CYTH1: variants seen among roughly 807,000 people sequenced by gnomAD.
CYTH1 encodes the protein cytohesin-1.
In CYTH1, 18 loss-of-function variants were observed where a neutral mutation model predicts 61.8. That is an observed-to-expected ratio of 0.29 (90% CI 0.20 to 0.43). CYTH1 has a LOEUF of 0.43. CYTH1 is among the 20% of genes least tolerant of loss of function. The pLI is 1.00. For synonymous variants in CYTH1, 174 were observed against 184.3 expected, an observed-to-expected ratio of 0.94 and a Z score of 0.45; for missense variants, 336 against 510.5, an observed-to-expected ratio of 0.66 and a Z score of 3.29.
chr17:78,707,708 G>C (rs1321834732), intron 3 of CYTH1, among the ~76,000 whole-genome samples: 1 of 149,196 alleles, frequency 6.7e-6, no homozygotes, highest in Non-Finnish European at 1.5e-5. Context: ...TTGAGACGGA[G>C]TCTCGCTCTG....
rs1270598813 is a variant in CYTH1, at chr17:78,711,306, T to TAAATA, written c.23-1575_23-1574insTATTT. On this transcript the variant is annotated intron_variant, in intron 1 of 13. Transcript: ENST00000446868. ...TAAATAAATAAATAAATAAATAATA[T>TAAATA]ATATATATACACACACACACACACA... Among the ~76,000 whole-genome samples the TAAATA allele has an allele frequency of 7.7e-4, 76 of 98,678 alleles. No homozygotes were observed. The South Asian group carries it at 0.011, about 14-fold the overall frequency. The allele number at this position is 98,678 out of a possible 152,430, so 64.7% of individuals were successfully genotyped here. A position where few individuals can be genotyped will look rare whatever the true frequency, so the allele number is the denominator to read the frequency against.
At chr17:78,686,859 G>A (rs1011887461) in intron 11 of CYTH1, among the ~76,000 whole-genome samples, 8 of 152,048 alleles carry the variant, frequency 5.3e-5, no homozygotes, top group Non-Finnish European at 1.0e-4. Context: ...TTGGCTCACC[G>A]CAACCTCCGC....
chr17:78,678,549 T>A (rs1473936203), intron 13 of CYTH1: 2 of 152,158 alleles, frequency 1.3e-5, no homozygotes, highest in East Asian at 3.8e-4. Context: ...AAAAAATACA[T>A]TTCATAATGA....
chr17:78,761,733 G>A (rs1448861242), intron 1 of CYTH1, among the ~76,000 whole-genome samples: 4 of 151,808 alleles, frequency 2.6e-5, no homozygotes, highest in African/African-American at 4.8e-5. Flanking sequence ...GCGAGACTCC[G>A]TCTCAAAAAC....
chr17:78,695,925 A>T, intron 10 of CYTH1, 82 bp downstream of exon 10: 3 of 1,361,868 alleles, frequency 2.2e-6, no homozygotes, highest in Non-Finnish European at 2.9e-6. Flanking sequence ...AAAACAAAAT[A>T]ACCAAAAATA....
intron 1 of CYTH1, among the ~76,000 whole-genome samples, chr17:78,757,415 T>C (rs950136823): frequency 3.3e-5 from 5 of 152,206 alleles, no homozygotes; most frequent in African/African-American, 1.2e-4. Flanking sequence ...GAGAACTCTA[T>C]TCATGTCTAA....
intron 1 of CYTH1, among the ~76,000 whole-genome samples, chr17:78,774,629 C>A (rs538022463): frequency 6.6e-6 from 1 of 152,226 alleles, no homozygotes. Flanking sequence ...AAAGGCAAAT[C>A]TTTCTTAAAT....
chr17:78,690,891 T>C (rs2092878336), intron 11 of CYTH1, among the ~76,000 whole-genome samples: 1 of 152,134 alleles, frequency 6.6e-6, no homozygotes, highest in African/African-American at 2.4e-5. Context: ...CTTAGATGCT[T>C]ATGTATCATT....
At chr17:78,722,911 T>C (rs7221486) in intron 1 of CYTH1, among the ~76,000 whole-genome samples, 10,974 of 152,138 alleles carry the variant, frequency 0.072, 816 homozygotes, top group African/African-American at 0.18. Context: ...TGTCCCGCTG[T>C]TTTCTGCCCC....
At chr17:78,754,405 G>A (rs1013364448) in intron 1 of CYTH1, among the ~76,000 whole-genome samples, 7 of 151,588 alleles carry the variant, frequency 4.6e-5, no homozygotes, top group Non-Finnish European at 8.8e-5. Flanking sequence ...GTGCAGTGGT[G>A]CAATCTTGGC....
At position 78,700,223 on chromosome 17, in the gene CYTH1, G is replaced by T; in HGVS notation, c.550+108C>A. 1.1e-6 allele frequency: 1 copy of T among 927,448 alleles called. No individual in the cohort carries two copies. Among genetic ancestry groups the T allele is most frequent in the Non-Finnish European group, 1.6e-6 (1 of 633,622 alleles). The allele number at this position is 927,448 out of a possible 1,614,324, so 57.5% of individuals were successfully genotyped here. A position where few individuals can be genotyped will look rare whatever the true frequency, so the allele number is the denominator to read the frequency against. Reference sequence around the variant, plus strand: ...CTATTATAACTATCATTGAGTAAACGTTCCTAGGCATGAATCTCAGCCCTT... The same window carrying T: ...CTATTATAACTATCATTGAGTAAACTTTCCTAGGCATGAATCTCAGCCCTT... On this transcript the variant is annotated intron_variant, in intron 7 of 13. Transcript: ENST00000446868. This position sits in a 1 kb window ranked among gnomAD's most constrained non-coding sequence, Gnocchi z 5.1.
chr17:78,730,900 G>A (rs977570837), intron 1 of CYTH1, among the ~76,000 whole-genome samples: 1 of 152,072 alleles, frequency 6.6e-6, no homozygotes, highest in Non-Finnish European at 1.5e-5. Context: ...TCCTGACCTT[G>A]TGATCTGCCT....
chr17:78,714,095 G>A (rs9891485), intron 1 of CYTH1, among the ~76,000 whole-genome samples: 10,120 of 152,098 alleles, frequency 0.067, 682 homozygotes, highest in African/African-American at 0.16. Context: ...TTCAAGACCC[G>A]TTTGACCAAC....
chr17:78,684,943 G>A (rs1234099967), intron 11 of CYTH1, among the ~76,000 whole-genome samples: 3 of 152,216 alleles, frequency 2.0e-5, no homozygotes, highest in Non-Finnish European at 4.4e-5. Context: ...GCTCACGCCT[G>A]TAATCCCAGC....
chr17:78,697,770 A>G (rs1196032538), intron 9 of CYTH1, among the ~76,000 whole-genome samples: 1 of 152,142 alleles, frequency 6.6e-6, no homozygotes, highest in Non-Finnish European at 1.5e-5. Flanking sequence ...CCAGGTACAA[A>G]TCTGTGGGAT....
intron 1 of CYTH1, among the ~76,000 whole-genome samples, chr17:78,746,188 T>C (rs2093358812): frequency 6.6e-6 from 1 of 152,092 alleles, no homozygotes; most frequent in African/African-American, 2.4e-5. Flanking sequence ...AAAAGAGAAG[T>C]ATGTGGCAGG....
Position 78,782,269 on chromosome 17 carries a change from G to T in CYTH1, c.-46C>A. On this transcript the variant is annotated 5_prime_UTR_variant, in exon 1 of 14. Coordinates refer to ENST00000446868, the MANE Select transcript of CYTH1 (RefSeq NM_004762.6). ...CGCTCCGGCTCGCCGCTCGCGTCCC[G>T]CCGCGCCACCCGCGCCCCCGCTCGC... is the stretch of plus-strand genomic sequence containing the variant. 8.3e-7 allele frequency: 1 copy of T among 1,204,094 alleles called. No individual in the cohort carries two copies. The highest frequency in any genetic ancestry group is 1.0e-6 in the Non-Finnish European group (1 of 960,086). 74.6% of individuals were successfully genotyped at this position (1,204,094 alleles called of 1,614,324 possible). A position where few individuals can be genotyped will look rare whatever the true frequency, so the allele number is the denominator to read the frequency against.
At chr17:78,744,481 G>A (rs2093352430) in intron 1 of CYTH1, among the ~76,000 whole-genome samples, 1 of 152,202 alleles carries the variant, frequency 6.6e-6, no homozygotes, top group Non-Finnish European at 1.5e-5. Flanking sequence ...GCAAGGTGGG[G>A]TGGAGCATAA....
Position 78,700,296 on chromosome 17 carries a change from G to T in CYTH1, c.550+35C>A, listed in dbSNP as rs367847592. On this transcript the variant is annotated intron_variant, in intron 7 of 13. Transcript: ENST00000446868. The surrounding 1 kb of genome is among the most constrained non-coding windows in gnomAD (Gnocchi z 5.1). ...CCAAGAAAATAATCCAGTGTAAAAC[G>T]CCCATCATAAACTAGGATGAATGAT... The T allele has an allele frequency of 1.3e-6, 2 of 1,530,606 alleles. No individual in the cohort carries two copies. The highest frequency in any genetic ancestry group is 1.8e-6 in the Non-Finnish European group (2 of 1,127,710). 94.8% of individuals were successfully genotyped at this position (1,530,606 alleles called of 1,614,324 possible).
Sources: allele counts gnomAD v4.1 joint callset (sites outside exome capture counted in the v4.1 genomes callset), GRCh38; gene constraint gnomAD v4.1.1; non-coding constraint Gnocchi (gnomAD v3.1); transcripts MANE v1.5; gene names NCBI Gene and HGNC (gene_info 2026-07-23, HGNC 2026-07-21).